PSD2: variants seen among roughly 807,000 people sequenced by gnomAD.
The protein encoded by PSD2 is pleckstrin and Sec7 domain containing 2, also known as PH and SEC7 domain-containing protein 2.
Under a neutral mutation model 69.8 loss-of-function variants are expected in PSD2, and 38 were observed. That is an observed-to-expected ratio of 0.54 (90% CI 0.42 to 0.71). PSD2 has a LOEUF of 0.71. PSD2 is among the 30% of genes least tolerant of loss of function. The pLI is 0.00. For missense variants in PSD2, 943 were observed against 1,014.5 expected (o/e 0.93, Z 0.96); for synonymous variants, 412 against 423.0 (o/e 0.97, Z 0.32).
chr5:139,766,935 TTCTTTCTTTCTTTCTTTCTTTC>T, the PSD2 span, among the ~76,000 whole-genome samples: 1 of 71,160 alleles, frequency 1.4e-5, no homozygotes, highest in African/African-American at 6.6e-5. Context: ...CTTCCCTTCT[TTCTTTCTTTCTTTCTTTCTTTC>T]TTTCTTTCTT....
intron 1 of PSD2, among the ~76,000 whole-genome samples, chr5:139,796,941 TG>T: frequency 6.6e-6 from 1 of 151,670 alleles, no homozygotes; most frequent in Middle Eastern, 3.4e-3. Context: ...CCAGGGCAGG[TG>T]GGCAGCCTGG....
chr5:139,823,210 G>T (rs1291762790), intron 7 of PSD2, among the ~76,000 whole-genome samples: 1 of 152,230 alleles, frequency 6.6e-6, no homozygotes, highest in African/African-American at 2.4e-5. Flanking sequence ...GCTGTGTCTG[G>T]TCCAGGCCCC....
At chr5:139,796,296 C>T (rs924670987) in intron 1 of PSD2, among the ~76,000 whole-genome samples, 3 of 152,290 alleles carry the variant, frequency 2.0e-5, no homozygotes, top group East Asian at 1.9e-4. Context: ...TGTCTCCCGG[C>T]TCCGCCACCC....
At chr5:139,767,504 G>C in the PSD2 span, among the ~76,000 whole-genome samples, 1 of 151,756 alleles carries the variant, frequency 6.6e-6, no homozygotes, top group Non-Finnish European at 1.5e-5. Flanking sequence ...TAGTAGAGAC[G>C]GGGTTTCCCC....
At chr5:139,825,066 C>G (rs958127979) in intron 7 of PSD2, among the ~76,000 whole-genome samples, 11 of 152,212 alleles carry the variant, frequency 7.2e-5, no homozygotes, top group Admixed American at 1.3e-4. Context: ...TCAACAACAA[C>G]CCTGCTTTTG....
chr5:139,777,483 A>G, the PSD2 span, among the ~76,000 whole-genome samples: 2 of 152,192 alleles, frequency 1.3e-5, no homozygotes, highest in South Asian at 4.1e-4. Flanking sequence ...CTTGAAGGTC[A>G]TTTGGTTGTA....
chr5:139,782,046 C>T, the PSD2 span, among the ~76,000 whole-genome samples: 5 of 152,192 alleles, frequency 3.3e-5, no homozygotes, highest in African/African-American at 4.8e-5. Context: ...GAAGGTGGGG[C>T]GGGGGCAGTA....
chr5:139,808,664 TC>T (rs1759869944), intron 1 of PSD2, among the ~76,000 whole-genome samples: 1 of 152,168 alleles, frequency 6.6e-6, no homozygotes, highest in Non-Finnish European at 1.5e-5. Context: ...CCAGGCCTCC[TC>T]CTTCCTCCCA....
At chr5:139,761,302 G>T in the PSD2 span, among the ~76,000 whole-genome samples, 2 of 152,178 alleles carry the variant, frequency 1.3e-5, no homozygotes, top group African/African-American at 4.8e-5. Context: ...ATGCTTGTGA[G>T]CACAAGGTTG....
upstream of PSD2, among the ~76,000 whole-genome samples, chr5:139,793,281 A>G (rs1759451871): frequency 6.6e-6 from 1 of 152,200 alleles, no homozygotes; most frequent in Admixed American, 6.5e-5. Flanking sequence ...GGTAGCCACA[A>G]GGAACAGTAA....
intron 4 of PSD2, 72 bp from the exon 5 acceptor site, chr5:139,817,409 A>T (rs1248989678): frequency 2.2e-5 from 31 of 1,415,358 alleles, no homozygotes; most frequent in Non-Finnish European, 5.0e-6. Flanking sequence ...CCTGGGCCCA[A>T]GTAATGCCTG....
At chr5:139,768,489 G>A in the PSD2 span, among the ~76,000 whole-genome samples, 660 of 152,330 alleles carry the variant, frequency 4.3e-3, 1 homozygote, top group African/African-American at 0.015. Context: ...TTGGGAGGCC[G>A]AGGTGGGTGG....
intron 2 of PSD2, among the ~76,000 whole-genome samples, chr5:139,810,692 T>C (rs1057119698): frequency 6.6e-6 from 1 of 152,144 alleles, no homozygotes; most frequent in Non-Finnish European, 1.5e-5. Context: ...TAAGTCTCCA[T>C]GGGCAGGAGT....
At position 139,820,810 on chromosome 5, in the gene PSD2, G is replaced by C. The variant is rs551405503; in HGVS notation, c.1098-1083G>C. Among the ~76,000 whole-genome samples, 4 of 152,262 alleles carry C rather than the reference G, an allele frequency of 2.6e-5. No individual in the cohort carries two copies. The South Asian group carries it at 8.3e-4, about 32-fold the overall frequency. Reference sequence around the variant, plus strand: ...TGAGGCACTGAATAGTGAAATGCCTGTTCTGTCCAAGGTGTAGCAGGCGGG... The same window carrying C: ...TGAGGCACTGAATAGTGAAATGCCTCTTCTGTCCAAGGTGTAGCAGGCGGG... On this transcript the variant is annotated intron_variant, in intron 5 of 14. Coordinates refer to ENST00000274710, the MANE Select transcript of PSD2 (RefSeq NM_032289.4).
chr5:139,770,016 A>T, the PSD2 span, among the ~76,000 whole-genome samples: 2 of 152,200 alleles, frequency 1.3e-5, no homozygotes, highest in Non-Finnish European at 2.9e-5. Flanking sequence ...GTACACAGAG[A>T]GGTAGAACCT....
At chr5:139,779,447 G>A in the PSD2 span, among the ~76,000 whole-genome samples, 13,001 of 152,162 alleles carry the variant, frequency 0.085, 612 homozygotes, top group African/African-American at 0.098. Flanking sequence ...TTTTTTGAGT[G>A]TATATTAGAG....
chr5:139,782,375 C>T, the PSD2 span, among the ~76,000 whole-genome samples: 3 of 150,558 alleles, frequency 2.0e-5, no homozygotes, highest in Admixed American at 1.3e-4. Flanking sequence ...GTAGAGATGA[C>T]GTTTTGCCAT....
chr5:139,837,893 T>G lies in PSD2; in HGVS notation c.1823+111T>G. On this transcript the variant is annotated intron_variant, in intron 12 of 14. Transcript: ENST00000274710. This position sits in a 1 kb window ranked among gnomAD's most constrained non-coding sequence, Gnocchi z 5.0. ...CAGCAACAGAGCATGTGTATCCACA[T>G]GACACAGACCGACAGCTGGGTCCCT... is the stretch of plus-strand genomic sequence containing the variant. 1.9e-6 allele frequency: 2 copies of G among 1,071,334 alleles called. No individual in the cohort carries two copies. Among genetic ancestry groups the G allele is most frequent in the South Asian group, 3.2e-5 (2 of 62,098 alleles). The allele number at this position is 1,071,334 out of a possible 1,614,324, so 66.4% of individuals were successfully genotyped here. A position where few individuals can be genotyped will look rare whatever the true frequency, so the allele number is the denominator to read the frequency against.
intron 7 of PSD2, among the ~76,000 whole-genome samples, chr5:139,825,781 A>T (rs1760401259): frequency 6.6e-6 from 1 of 152,178 alleles, no homozygotes; most frequent in Admixed American, 6.5e-5. Flanking sequence ...AGGAGGCAGT[A>T]ACATGGATTA....
Sources: allele counts gnomAD v4.1 joint callset (sites outside exome capture counted in the v4.1 genomes callset), GRCh38; gene constraint gnomAD v4.1.1; non-coding constraint Gnocchi (gnomAD v3.1); transcripts MANE v1.5; gene names NCBI Gene and HGNC (gene_info 2026-07-23, HGNC 2026-07-21).